Variants in TRHDE observed in about 807,000 individuals in gnomAD.
TRHDE encodes thyrotropin-releasing hormone-degrading ectoenzyme.
TRHDE carries 72 observed loss-of-function variants against 125.7 expected under a neutral mutation model. The observed-to-expected ratio is 0.57, with a 90% confidence interval of 0.47 to 0.70. The LOEUF (loss-of-function observed/expected upper bound fraction) is 0.70, where lower values mean the gene tolerates loss of function less well. Among genes scored for constraint, TRHDE ranks in the 30% least tolerant of loss-of-function variants. The pLI is 0.00. For synonymous variants in TRHDE, 509 were observed against 509.1 expected (o/e 1.00, Z 0.00); for missense variants, 1,110 against 1,327.1 (o/e 0.84, Z 2.54).
At chr12:72,483,356 C>T (rs1388888249) in intron 5 of TRHDE, among the ~76,000 whole-genome samples, 1 of 151,994 alleles carries the variant, frequency 6.6e-6, no homozygotes, top group Non-Finnish European at 1.5e-5. Flanking sequence ...TACTTAATAG[C>T]TGTGTGATCT....
At chr12:72,503,428 T>C (rs755720729) in intron 6 of TRHDE, among the ~76,000 whole-genome samples, 2 of 152,210 alleles carry the variant, frequency 1.3e-5, no homozygotes, top group Non-Finnish European at 2.9e-5. Context: ...TTCTAGGCAC[T>C]GTGTGCTGAG....
intron 17 of TRHDE, among the ~76,000 whole-genome samples, chr12:72,656,252 A>G (rs1874705348): frequency 6.6e-6 from 1 of 152,170 alleles, no homozygotes; most frequent in Non-Finnish European, 1.5e-5. Context: ...GGCAATCCAA[A>G]TGAACAAGTA....
rs1875134234 is a variant in TRHDE, at chr12:72,666,966, GA to G, written c.*3772del. 1 of 151,908 alleles carries G rather than the reference GA, an allele frequency of 6.6e-6. No homozygotes were observed. Among genetic ancestry groups the G allele is most frequent in the South Asian group, 2.1e-4 (1 of 4,828 alleles). 9.4% of individuals were successfully genotyped at this position (151,908 alleles called of 1,614,324 possible). ...CTTAATTTTCAACACAAATTTATCT[GA>G]CAAATTCTGTCTATAGTAACAGATG... is the stretch of plus-strand genomic sequence containing the variant. On this transcript the variant is annotated 3_prime_UTR_variant, in exon 19 of 19. Transcript: ENST00000261180.
At chr12:72,350,320 A>G (rs1300552134) in intron 2 of TRHDE, among the ~76,000 whole-genome samples, 1 of 152,052 alleles carries the variant, frequency 6.6e-6, no homozygotes, top group Non-Finnish European at 1.5e-5. Flanking sequence ...AAAGTAGGAA[A>G]CATAACCAGG....
intron 15 of TRHDE, among the ~76,000 whole-genome samples, chr12:72,626,944 T>A (rs1159202657): frequency 2.6e-5 from 4 of 151,906 alleles, no homozygotes; most frequent in African/African-American, 9.7e-5. Flanking sequence ...CCACTATTTT[T>A]CTTTTTCTTA....
At chr12:72,344,347 T>C (rs896154244) in intron 2 of TRHDE, among the ~76,000 whole-genome samples, 4 of 152,158 alleles carry the variant, frequency 2.6e-5, no homozygotes, top group African/African-American at 7.2e-5. Flanking sequence ...ACGTGCTTAA[T>C]AAAGGTTGCT....
At chr12:72,123,774 A>T (rs1811710980) in intron 2 of TRHDE, among the ~76,000 whole-genome samples, 1 of 152,172 alleles carries the variant, frequency 6.6e-6, no homozygotes, top group Non-Finnish European at 1.5e-5. Context: ...CTGCCGTCAC[A>T]ATCAAGATAT....
chr12:72,295,631 A>G (rs1203027352), intron 2 of TRHDE, among the ~76,000 whole-genome samples: 1 of 152,174 alleles, frequency 6.6e-6, no homozygotes, highest in Non-Finnish European at 1.5e-5. Flanking sequence ...TATACACATA[A>G]TGCACATTCC....
At chr12:72,303,823 G>A (rs756220481) in intron 2 of TRHDE, among the ~76,000 whole-genome samples, 4 of 152,140 alleles carry the variant, frequency 2.6e-5, no homozygotes, top group Non-Finnish European at 5.9e-5. Context: ...ATGGCCATGT[G>A]TCAAGCCAAA....
At position 72,273,435 on chromosome 12, in the gene TRHDE, G is replaced by A; in HGVS notation, c.792G>A (p.Val264=). The change falls in exon 1 of 19, where the codon GTG becomes GTA. Residue 264 remains valine, a synonymous_variant. Transcript: ENST00000261180. The surrounding 1 kb of genome is among the most constrained non-coding windows in gnomAD (Gnocchi z 5.3). ...FLYPQTQVLV[V]VLNRTLDAQR... The stretch of plus-strand genomic sequence containing the variant: ...ACCCGCAAACCCAGGTCTTAGTGGT[G>A]GTGCTGAATAGGACACTGGACGCGC... 1 of 1,614,120 alleles carries A rather than the reference G, an allele frequency of 6.2e-7. No homozygotes were observed.
At chr12:72,230,859 A>G (rs970285857) in intron 2 of TRHDE, among the ~76,000 whole-genome samples, 1 of 152,224 alleles carries the variant, frequency 6.6e-6, no homozygotes, top group Non-Finnish European at 1.5e-5. Flanking sequence ...GTAATGTAGC[A>G]TAAAACTCTA....
chr12:72,519,414 C>A (rs557478666), intron 6 of TRHDE, among the ~76,000 whole-genome samples: 9 of 152,144 alleles, frequency 5.9e-5, no homozygotes, highest in African/African-American at 2.2e-4. Context: ...ATCGCTGAAC[C>A]CTTTCTTCCA....
chr12:72,568,528 T>C (rs757794777), intron 9 of TRHDE, 40 bp from the exon 10 acceptor site: 2 of 1,460,760 alleles, frequency 1.4e-6, no homozygotes, highest in Admixed American at 1.8e-5. Context: ...TGTTTCGATA[T>C]AGTTATTTTT....
intron 2 of TRHDE, among the ~76,000 whole-genome samples, chr12:72,223,506 C>T (rs1167622125): frequency 4.6e-5 from 7 of 152,050 alleles, no homozygotes; most frequent in Admixed American, 1.3e-4. Flanking sequence ...TGATTCTGCC[C>T]ATATTTATGT....
intron 2 of TRHDE, among the ~76,000 whole-genome samples, chr12:72,304,004 T>C (rs970351980): frequency 1.3e-5 from 2 of 152,124 alleles, no homozygotes; most frequent in African/African-American, 4.8e-5. Flanking sequence ...GCTATCATTA[T>C]CCTTATTTTA....
chr12:72,187,504 G>A (rs1877249610), intron 2 of TRHDE, among the ~76,000 whole-genome samples: 1 of 149,638 alleles, frequency 6.7e-6, no homozygotes, highest in Admixed American at 6.6e-5. Context: ...TGGTGGTGGT[G>A]GTGGAGGAGG....
intron 2 of TRHDE, among the ~76,000 whole-genome samples, chr12:72,318,572 C>T (rs569018449): frequency 7.9e-5 from 12 of 152,192 alleles, no homozygotes; most frequent in South Asian, 2.1e-4. Context: ...GAGAACACCA[C>T]GGCCCAGCTG....
At position 72,273,068 on chromosome 12, in the gene TRHDE, G is replaced by C. The variant is rs759593238; in HGVS notation, c.425G>C (p.Arg142Pro). ...AACGGGAGCCTCCCTGGATCGGCCC[G>C]GCGCAACCACCACGCAGGCGGGGAC... ...GGNGSLPGSA[R>P]RNHHAGGDSW... Residue 142 changes from arginine to proline, a missense_variant, in exon 1 of 19, where the codon CGG becomes CCG. Transcript: ENST00000261180. The surrounding 1 kb of genome is among the most constrained non-coding windows in gnomAD (Gnocchi z 5.3). 2 of 1,526,908 alleles carry C rather than the reference G, an allele frequency of 1.3e-6. No homozygotes were observed. Among genetic ancestry groups the C allele is most frequent in the South Asian group, 1.2e-5 (1 of 83,024 alleles). The allele number at this position is 1,526,908 out of a possible 1,614,324, so 94.6% of individuals were successfully genotyped here.
chr12:72,426,973 T>A (rs74397171), intron 3 of TRHDE, among the ~76,000 whole-genome samples: 4,422 of 152,240 alleles, frequency 0.029, 96 homozygotes, highest in Non-Finnish European at 0.047. Context: ...TATATAGTCC[T>A]GACCCTCGGA....
Sources: allele counts gnomAD v4.1 joint callset (sites outside exome capture counted in the v4.1 genomes callset), GRCh38; gene constraint gnomAD v4.1.1; non-coding constraint Gnocchi (gnomAD v3.1); transcripts MANE v1.5; gene names NCBI Gene and HGNC (gene_info 2026-07-23, HGNC 2026-07-21).